ADCY2: variants seen among roughly 807,000 people sequenced by gnomAD.
ADCY2 encodes the protein adenylate cyclase 2.
Under a neutral mutation model 125.2 loss-of-function variants are expected in ADCY2, and 31 were observed. The ratio of observed to expected loss-of-function variants is 0.25; its 90% CI spans 0.19 to 0.33. ADCY2 has a LOEUF of 0.33. ADCY2 is among the 10% of genes least tolerant of loss of function. The pLI is 1.00. For missense variants in ADCY2, 904 were observed against 1,418.2 expected (o/e 0.64, Z 5.82); for synonymous variants, 512 against 548.4 (o/e 0.93, Z 0.93).
intron 3 of ADCY2, among the ~76,000 whole-genome samples, chr5:7,541,534 G>A (rs1734996876): frequency 2.0e-5 from 3 of 152,206 alleles, no homozygotes. Flanking sequence ...TAGCTGGGAA[G>A]GCTGTGTCAC....
chr5:7,761,799 T>A (rs1285547042), intron 16 of ADCY2, among the ~76,000 whole-genome samples: 1 of 152,232 alleles, frequency 6.6e-6, no homozygotes, highest in Middle Eastern at 3.2e-3. Flanking sequence ...TCAGTCACTG[T>A]CTATAAATGT....
chr5:7,643,161 A>G lies in ADCY2; in HGVS notation c.720+16845A>G, dbSNP rs188978960. ...ATTTTTCTATTTATGAAAATATGCC[A>G]TTAAATCCATCAGCATGCTTTTAGT... On this transcript the variant is annotated intron_variant, in intron 4 of 24. Coordinates refer to ENST00000338316, the MANE Select transcript of ADCY2 (RefSeq NM_020546.3). Among the ~76,000 whole-genome samples, 114 of 152,106 alleles carry G rather than the reference A, an allele frequency of 7.5e-4. 1 individual carries two copies. Among genetic ancestry groups the G allele is most frequent in the Non-Finnish European group, 2.6e-4 (18 of 67,940 alleles).
intron 3 of ADCY2, among the ~76,000 whole-genome samples, chr5:7,572,181 G>A (rs1468535480): frequency 6.6e-6 from 1 of 152,076 alleles, no homozygotes; most frequent in Non-Finnish European, 1.5e-5. Context: ...GGGTTAAATG[G>A]TATTTCTATC....
At chr5:7,555,853 C>T (rs571320460) in intron 3 of ADCY2, among the ~76,000 whole-genome samples, 20 of 120,792 alleles carry the variant, frequency 1.7e-4, no homozygotes, top group East Asian at 1.4e-3. Context: ...CACATGTGAG[C>T]GCACACACAC....
intron 4 of ADCY2, among the ~76,000 whole-genome samples, chr5:7,666,331 C>G (rs551028268): frequency 6.6e-6 from 1 of 151,854 alleles, no homozygotes; most frequent in Non-Finnish European, 1.5e-5. Flanking sequence ...TGCAGTGGCG[C>G]GATCTCGGCT....
chr5:7,645,125 G>A (rs2126677227), intron 4 of ADCY2, among the ~76,000 whole-genome samples: 1 of 152,266 alleles, frequency 6.6e-6, no homozygotes. Context: ...CTTATCTGTA[G>A]AGCAGAGATA....
chr5:7,425,871 G>A (rs1740367641), intron 2 of ADCY2, among the ~76,000 whole-genome samples: 1 of 152,128 alleles, frequency 6.6e-6, no homozygotes, highest in South Asian at 2.1e-4. Context: ...GTTTCCCATT[G>A]GAACTGTAAT....
chr5:7,642,601 C>T (rs1738748090), intron 4 of ADCY2, among the ~76,000 whole-genome samples: 1 of 152,064 alleles, frequency 6.6e-6, no homozygotes, highest in Admixed American at 6.6e-5. Flanking sequence ...ATTTCCCAAG[C>T]TGATGTCCAG....
intron 3 of ADCY2, among the ~76,000 whole-genome samples, chr5:7,613,550 A>G (rs1308687053): frequency 6.6e-6 from 1 of 152,198 alleles, no homozygotes; most frequent in Non-Finnish European, 1.5e-5. Flanking sequence ...TCCAATTTCC[A>G]TGACCTCCCC....
intron 3 of ADCY2, among the ~76,000 whole-genome samples, chr5:7,611,508 G>GA (rs915698482): frequency 2.0e-5 from 3 of 152,120 alleles, no homozygotes; most frequent in East Asian, 3.9e-4. Flanking sequence ...ATATCCACTG[G>GA]AAAAAATGGA....
intron 4 of ADCY2, among the ~76,000 whole-genome samples, chr5:7,667,519 T>A (rs984682619): frequency 2.6e-5 from 4 of 152,182 alleles, no homozygotes; most frequent in African/African-American, 9.7e-5. Flanking sequence ...TTTAACATGA[T>A]AATATCCCCT....
chr5:7,766,659 T>C, intron 16 of ADCY2, 28 bp from the exon 17 acceptor site: 1 of 1,609,450 alleles, frequency 6.2e-7, no homozygotes. Flanking sequence ...TTTACATTAA[T>C]TCATTGAAAA....
intron 16 of ADCY2, among the ~76,000 whole-genome samples, chr5:7,760,403 G>A (rs1414679107): frequency 6.6e-6 from 1 of 152,160 alleles, no homozygotes; most frequent in African/African-American, 2.4e-5. Flanking sequence ...AGGGCAGCAG[G>A]GTGCACAAGC....
At chr5:7,799,908 T>A (rs1207677840) in intron 20 of ADCY2, 1 of 152,148 alleles carries the variant, frequency 6.6e-6, no homozygotes, top group Admixed American at 6.5e-5. Context: ...ATCAGTTCAG[T>A]CTTGCATTTC....
At chr5:7,407,980 T>C (rs1458178985) in intron 1 of ADCY2, among the ~76,000 whole-genome samples, 1 of 151,620 alleles carries the variant, frequency 6.6e-6, no homozygotes, top group Non-Finnish European at 1.5e-5. Context: ...GTGATTCTTG[T>C]GCCTCAGCCT....
chr5:7,694,026 T>A (rs953568554), intron 5 of ADCY2, among the ~76,000 whole-genome samples: 14 of 152,186 alleles, frequency 9.2e-5, no homozygotes, highest in African/African-American at 3.4e-4. Flanking sequence ...GAAGTAGGGA[T>A]GATTTCTAGG....
intron 3 of ADCY2, among the ~76,000 whole-genome samples, chr5:7,584,005 G>C (rs1736531839): frequency 6.6e-6 from 1 of 152,196 alleles, no homozygotes; most frequent in South Asian, 2.1e-4. Context: ...TTATATGAGG[G>C]TAAGACTGGA....
chr5:7,543,784 T>C (rs1041774723), intron 3 of ADCY2, among the ~76,000 whole-genome samples: 3 of 151,646 alleles, frequency 2.0e-5, no homozygotes, highest in South Asian at 4.2e-4. Context: ...GAGGCCGAGG[T>C]GGGCGGATCA....
chr5:7,396,598 C>G lies in ADCY2; in HGVS notation c.210+92C>G, dbSNP rs1739053225. ...AGCCGCGTCCCGCTCCGGGCTGCCC[C>G]TCGGCCCGCGGCAGCCCCTCGGCCC... On this transcript the variant is annotated intron_variant, in intron 1 of 24. Transcript: ENST00000338316. This position sits in a 1 kb window ranked among gnomAD's most constrained non-coding sequence, Gnocchi z 5.7. 2 of 780,166 alleles carry G rather than the reference C, an allele frequency of 2.6e-6. No individual in the cohort carries two copies. Among genetic ancestry groups the G allele is most frequent in the Admixed American group, 5.4e-5 (1 of 18,452 alleles). 48.3% of individuals were successfully genotyped at this position (780,166 alleles called of 1,614,324 possible).
Sources: allele counts gnomAD v4.1 joint callset (sites outside exome capture counted in the v4.1 genomes callset), GRCh38; gene constraint gnomAD v4.1.1; non-coding constraint Gnocchi (gnomAD v3.1); transcripts MANE v1.5; gene names NCBI Gene and HGNC (gene_info 2026-07-23, HGNC 2026-07-21).